MYH16: variants seen among roughly 807,000 people sequenced by gnomAD.
The protein encoded by MYH16 is putative uncharacterized protein MYH16.
intron 1 of MYH16, among the ~76,000 whole-genome samples, chr7:99,241,548 A>G (rs1791667159): frequency 6.6e-6 from 1 of 152,180 alleles, no homozygotes; most frequent in African/African-American, 2.4e-5. Flanking sequence ...ACGCCACTGC[A>G]CTCCAGCATG....
downstream of MYH16, among the ~76,000 whole-genome samples, chr7:99,307,927 G>A (rs1208706711): frequency 6.6e-6 from 1 of 151,920 alleles, no homozygotes; most frequent in Non-Finnish European, 1.5e-5. Context: ...TGTTGGCCAG[G>A]ATGGTCTCAG....
chr7:99,300,362 A>C (rs960648890), intron 37 of MYH16, among the ~76,000 whole-genome samples: 1 of 152,224 alleles, frequency 6.6e-6, no homozygotes, highest in Non-Finnish European at 1.5e-5. Context: ...TTGCTTTAAA[A>C]AATAAACACA....
Position 99,297,588 on chromosome 7 carries a change from G to A in MYH16, n.4500-72G>A, listed in dbSNP as rs934277252. ...TGGGAGGCCTGCTTCTTACCCCAAT[G>A]GAGGAATGACGGTGCCACCTGCCAT... On this transcript the variant is annotated intron_variant and non_coding_transcript_variant, in intron 34 of 41. Coordinates refer to ENST00000439784, the Ensembl canonical transcript of MYH16. 6 of 416,354 alleles carry A rather than the reference G, an allele frequency of 1.4e-5. No individual in the cohort carries two copies. In the East Asian group the frequency reaches 3.5e-4, roughly 25 times the overall value. 25.8% of individuals were successfully genotyped at this position (416,354 alleles called of 1,614,324 possible).
chr7:99,240,200 C>T (rs1277659155), intron 1 of MYH16, among the ~76,000 whole-genome samples: 1 of 151,954 alleles, frequency 6.6e-6, no homozygotes, highest in Non-Finnish European at 1.5e-5. Flanking sequence ...AGAAGGAAAA[C>T]TGAGGATCAA....
chr7:99,247,698 G>A, exon 3 of MYH16: 1 of 198,330 alleles, frequency 5.0e-6, no homozygotes, highest in South Asian at 1.0e-4. Flanking sequence ...GCACAGAGAT[G>A]CCGCCTCACC....
chr7:99,283,927 C>T lies in MYH16; in HGVS notation n.3134C>T, dbSNP rs1268413217. 4 of 456,506 alleles carry T rather than the reference C, an allele frequency of 8.8e-6. 1 individual carries two copies. Among genetic ancestry groups the T allele is most frequent in the East Asian group, 6.9e-5 (1 of 14,400 alleles). 28.3% of individuals were successfully genotyped at this position (456,506 alleles called of 1,614,324 possible). On this transcript the variant is annotated non_coding_transcript_exon_variant, in exon 25 of 42. Coordinates refer to ENST00000439784, the Ensembl canonical transcript of MYH16. Reference sequence around the variant, plus strand: ...AATCCGGGCGGAGGTGGAAAAGGCTCGTCGGAAAGCTGAGAGTGACCTGAA... The same window carrying T: ...AATCCGGGCGGAGGTGGAAAAGGCTTGTCGGAAAGCTGAGAGTGACCTGAA...
chr7:99,290,430 T>G (rs1431804232), intron 30 of MYH16, among the ~76,000 whole-genome samples: 2 of 142,784 alleles, frequency 1.4e-5, no homozygotes, highest in Admixed American at 7.4e-5. Context: ...AAGGCTGCAA[T>G]GAGTTATGAT....
chr7:99,308,930 A>G (rs1792719391), downstream of MYH16, among the ~76,000 whole-genome samples: 1 of 152,152 alleles, frequency 6.6e-6, no homozygotes, highest in Admixed American at 6.6e-5. Flanking sequence ...TATCTCTACA[A>G]AAAAATGTAA....
intron 39 of MYH16, among the ~76,000 whole-genome samples, chr7:99,304,196 A>G (rs1048124760): frequency 2.0e-5 from 3 of 152,206 alleles, no homozygotes; most frequent in African/African-American, 7.2e-5. Flanking sequence ...GTAAGGAGAA[A>G]GGGACTGAGA....
intron 23 of MYH16, among the ~76,000 whole-genome samples, chr7:99,281,554 T>C (rs756184235): frequency 2.1e-4 from 32 of 152,296 alleles, no homozygotes; most frequent in Non-Finnish European, 4.6e-4. Context: ...AGCGAGACCC[T>C]GTCTCAAAAC....
chr7:99,260,596 C>G (rs1791928342), intron 12 of MYH16: 2 of 253,930 alleles, frequency 7.9e-6, no homozygotes, highest in Admixed American at 9.2e-5. Context: ...TTATTACACC[C>G]ATTTCACAGA....
intron 6 of MYH16, chr7:99,251,251 G>T: frequency 6.0e-6 from 1 of 167,256 alleles, no homozygotes; most frequent in East Asian, 1.5e-4. Context: ...CCCCGCCCCA[G>T]GTAAAGAAAT....
chr7:99,273,878 G>A (rs1241395246), intron 20 of MYH16, among the ~76,000 whole-genome samples: 1 of 151,398 alleles, frequency 6.6e-6, no homozygotes, highest in Non-Finnish European at 1.5e-5. Context: ...GAGAGGAAAG[G>A]AAGGGAGAGA....
rs1554337683 is a variant in MYH16 at position 99,277,931 on chromosome 7, G to GAGAC, written n.2659+222_2659+223insCAGA. On this transcript the variant is annotated intron_variant and non_coding_transcript_variant, in intron 21 of 41. Transcript: ENST00000439784. The stretch of plus-strand genomic sequence containing the variant: ...TGTGTGTGTGTGAGAGAGAGAGAGA[G>GAGAC]AGAGAGACAGACAGACAGACAGACA... 1.0e-3 allele frequency among the ~76,000 whole-genome samples: 140 copies of GAGAC among 134,282 alleles called. 1 individual carries two copies. The highest frequency in any genetic ancestry group is 1.2e-3 in the Non-Finnish European group (80 of 67,552). The allele number at this position is 134,282 out of a possible 152,430, so 88.1% of individuals were successfully genotyped here.
intron 1 of MYH16, among the ~76,000 whole-genome samples, chr7:99,242,848 C>T (rs753599296): frequency 6.6e-5 from 10 of 152,122 alleles, no homozygotes; most frequent in Non-Finnish European, 1.2e-4. Flanking sequence ...CGCTAACTCT[C>T]AAGGCAGAGA....
intron 39 of MYH16, among the ~76,000 whole-genome samples, chr7:99,303,997 G>C (rs1030536765): frequency 6.6e-6 from 1 of 152,104 alleles, no homozygotes; most frequent in Admixed American, 6.5e-5. Context: ...CACCAGCCTC[G>C]AGTGGTGGGT....
At chr7:99,288,421 G>C (rs1298828999) in intron 29 of MYH16, among the ~76,000 whole-genome samples, 1 of 151,814 alleles carries the variant, frequency 6.6e-6, no homozygotes, top group Non-Finnish European at 1.5e-5. Flanking sequence ...CTGGGCAACA[G>C]AGTAAGACCC....
chr7:99,283,503 C>T, intron 23 of MYH16, 62 bp from the exon 6 acceptor site: 1 of 453,324 alleles, frequency 2.2e-6, no homozygotes, highest in Non-Finnish European at 4.4e-6. Context: ...GACTGAGGAT[C>T]AGGACTGTTC....
chr7:99,255,654 T>C (rs1299956473), exon 9 of MYH16: 1 of 152,894 alleles, frequency 6.5e-6, no homozygotes, highest in African/African-American at 2.4e-5. Flanking sequence ...GTGGACAACA[T>C]GGATGACAAG....
Sources: gnomAD v4.1 joint callset for allele counts (sites outside exome capture counted in the v4.1 genomes callset) on GRCh38, gnomAD v4.1.1 for gene constraint, MANE v1.5 for transcripts, NCBI Gene and HGNC (gene_info 2026-07-23, HGNC 2026-07-21) for gene names.